Variants in ATXN7L2 observed in about 807,000 individuals in gnomAD.
ATXN7L2 encodes ataxin-7-like protein 2.
In ATXN7L2, 17 loss-of-function variants were observed where a neutral mutation model predicts 59.6. The ratio of observed to expected loss-of-function variants is 0.29; its 90% CI spans 0.20 to 0.43. ATXN7L2 has a LOEUF of 0.43. Among genes scored for constraint, ATXN7L2 ranks in the 20% least tolerant of loss-of-function variants. ATXN7L2 has a pLI of 1.00. For synonymous variants in ATXN7L2, 378 were observed against 392.5 expected, an observed-to-expected ratio of 0.96 and a Z score of 0.44; for missense variants, 858 against 1,008.9, an observed-to-expected ratio of 0.85 and a Z score of 2.03.
chr1:109,488,869 G>A lies in ATXN7L2; in HGVS notation c.902G>A (p.Arg301Gln). The A allele has an allele frequency of 1.2e-6, 2 of 1,613,972 alleles. No homozygotes were observed. The highest frequency in any genetic ancestry group is 1.7e-6 in the Non-Finnish European group (2 of 1,179,996). ...TAGATCCACTCAGTACACCAGCGCC[G>A]GGAAGTCCAGGGCCGGGCCAAGGAC... ...TCKIHSVHQR[R>Q]EVQGRAKDFD... Residue 301 changes from arginine (R) to glutamine (Q), a missense_variant, in exon 7 of 11, where the codon CGG (arginine) becomes CAG (glutamine). This residue lies in a region of ATXN7L2 where 734 missense variants were observed against 862.3 expected (regional missense o/e 0.85). Coordinates refer to ENST00000683729, the MANE Select transcript of ATXN7L2 (RefSeq NM_001350175.2). This position sits in a 1 kb window ranked among gnomAD's most constrained non-coding sequence, Gnocchi z 5.0.
intron 1 of ATXN7L2, chr1:109,485,189 A>C: frequency 1.2e-6 from 1 of 818,238 alleles, no homozygotes; most frequent in Non-Finnish European, 1.5e-6. Flanking sequence ...AAATGGAGTC[A>C]GACGGGTTTG....
intron 5 of ATXN7L2, 45 bp downstream of exon 5, chr1:109,487,849 TC>T: frequency 6.5e-7 from 1 of 1,533,344 alleles, no homozygotes; most frequent in Non-Finnish European, 8.8e-7. Flanking sequence ...GAGTGGGGAC[TC>T]CTTTGGGCTG....
rs192545791 is a variant in ATXN7L2, at chr1:109,487,665, C to G, written c.657C>G (p.Pro219=). The G allele has an allele frequency of 5.2e-5, 84 of 1,612,174 alleles. No homozygotes were observed. In the East Asian group the frequency reaches 1.7e-3, roughly 32 times the overall value. The change falls in exon 5 of 11, where the codon CCC becomes CCG. Residue 219 remains proline (P), a synonymous_variant. Transcript: ENST00000683729. ...CCCCTGGAAAACCTCCCATGGCTCC[C>G]CCTTCTAAAGAACCTCCTGGCAGAG... ...KDSPGKPPMA[P]PSKEPPGREN...
intron 7 of ATXN7L2, 47 bp downstream of exon 7, chr1:109,489,147 C>G: frequency 6.3e-7 from 1 of 1,575,748 alleles, no homozygotes; most frequent in African/African-American, 1.4e-5. Context: ...TACTTGGCCC[C>G]TAAGCCATCA....
chr1:109,486,285 G>C lies in ATXN7L2; in HGVS notation c.193+163G>C. On this transcript the variant is annotated intron_variant, in intron 2 of 10. Transcript: ENST00000683729. The surrounding 1 kb of genome is among the most constrained non-coding windows in gnomAD (Gnocchi z 4.3). ...GTTGTTCTGGCTCCTGTGACCTGTC[G>C]TTGGAGATCATAATCATAGGTGATT... 8.5e-7 allele frequency: 1 copy of C among 1,171,072 alleles called. No homozygotes were observed. The highest frequency in any genetic ancestry group is 1.7e-5 in the South Asian group (1 of 58,558). 72.5% of individuals were successfully genotyped at this position (1,171,072 alleles called of 1,614,324 possible).
chr1:109,485,698 C>T, intron 1 of ATXN7L2: 3 of 1,009,090 alleles, frequency 3.0e-6, no homozygotes, highest in Non-Finnish European at 3.5e-6. Context: ...AGAGATGATA[C>T]TTACCCACAA....
At position 109,491,404 on chromosome 1, in the gene ATXN7L2, A is replaced by G; in HGVS notation, c.1937A>G (p.Asn646Ser). ...AAAACAGCCCTGAGCATGGGGCTTA[A>G]TGGGACAATGGGGCCAAGAGTGAAG... ...KTKTALSMGL[N>S]GTMGPRVKRA... Residue 646 changes from asparagine (N) to serine (S), a missense_variant, in exon 10 of 11, where the codon AAT (asparagine) becomes AGT (serine). Asn to Ser is a conservative substitution (Grantham distance 46, BLOSUM62 1). Around this residue, in one of 3 missense-constraint regions of ATXN7L2, gnomAD observed 734 missense variants for 862.3 expected, o/e 0.85. Transcript: ENST00000683729. The surrounding 1 kb of genome is among the most constrained non-coding windows in gnomAD (Gnocchi z 4.1). The G allele has an allele frequency of 1.2e-6, 2 of 1,614,204 alleles. No homozygotes were observed. Among genetic ancestry groups the G allele is most frequent in the South Asian group, 1.1e-5 (1 of 91,088 alleles).
chr1:109,487,718 G>C lies in ATXN7L2; in HGVS notation c.710G>C (p.Gly237Ala). Residue 237 changes from glycine (G) to alanine (A), a missense_variant, in exon 5 of 11, where the codon GGG becomes GCG. Physicochemically the swap from Gly to Ala is moderately conservative, Grantham distance 60. Coordinates refer to ENST00000683729, the MANE Select transcript of ATXN7L2 (RefSeq NM_001350175.2). ...AACATCGAGATCATCCCCAGTGAGG[G>C]GTCCAGTCACTGGGCTGAAGGCAGC... ...RENIEIIPSE[G>A]SSHWAEGSPP... 6.2e-7 allele frequency: 1 copy of C among 1,613,490 alleles called. No homozygotes were observed.
At position 109,491,825 on chromosome 1, in the gene ATXN7L2, A is replaced by G; in HGVS notation, c.2250+108A>G. ...TGTGCAGGGAAAGGGAGGAAGGGGA[A>G]GTTGAGAGAGTTCCTGGACTGTTTT... On this transcript the variant is annotated intron_variant, in intron 10 of 10. Coordinates refer to ENST00000683729, the MANE Select transcript of ATXN7L2 (RefSeq NM_001350175.2). The surrounding 1 kb of genome is among the most constrained non-coding windows in gnomAD (Gnocchi z 4.1). 1.5e-6 allele frequency: 2 copies of G among 1,331,490 alleles called. No homozygotes were observed. Among genetic ancestry groups the G allele is most frequent in the Non-Finnish European group, 2.0e-6 (2 of 998,748 alleles). 82.5% of individuals were successfully genotyped at this position (1,331,490 alleles called of 1,614,324 possible).
Position 109,487,886 on chromosome 1 carries a change from G to A in ATXN7L2, c.796+82G>A, listed in dbSNP as rs1044576504. The stretch of plus-strand genomic sequence containing the variant: ...CTTTGTCCTTGGGCTGGATGAGGAG[G>A]AGGTCAGGTTTATGGGCCTGGCCAT... On this transcript the variant is annotated intron_variant, in intron 5 of 10. Transcript: ENST00000683729. The A allele has an allele frequency of 4.1e-6, 6 of 1,469,560 alleles. No individual in the cohort carries two copies. In the African/African-American group the frequency reaches 8.6e-5, roughly 21 times the overall value. The allele number at this position is 1,469,560 out of a possible 1,614,324, so 91.0% of individuals were successfully genotyped here.
chr1:109,488,495 A>T lies in ATXN7L2; in HGVS notation c.879+30A>T. On this transcript the variant is annotated intron_variant, in intron 6 of 10. Transcript: ENST00000683729. This position sits in a 1 kb window ranked among gnomAD's most constrained non-coding sequence, Gnocchi z 5.0. The stretch of plus-strand genomic sequence containing the variant: ...CCCCCTTCCCACTGCACGGTGAGGG[A>T]GGACAGCACAGGGCTTGCCCACTCC... 1 of 1,573,990 alleles carries T rather than the reference A, an allele frequency of 6.4e-7. No homozygotes were observed. Among genetic ancestry groups the T allele is most frequent in the East Asian group, 2.2e-5 (1 of 44,546 alleles).
chr1:109,486,741 G>C lies in ATXN7L2; in HGVS notation c.298+131G>C. On this transcript the variant is annotated intron_variant, in intron 3 of 10. Transcript: ENST00000683729. The surrounding 1 kb of genome is among the most constrained non-coding windows in gnomAD (Gnocchi z 4.3). ...TTGAGGATAGGAAGGTTGTGGGGGT[G>C]GCTTCAGAGCATTGTGGGGAGTCGG... The C allele has an allele frequency of 1.2e-6, 1 of 824,498 alleles. No individual in the cohort carries two copies. The highest frequency in any genetic ancestry group is 1.9e-6 in the Non-Finnish European group (1 of 526,228). The allele number at this position is 824,498 out of a possible 1,614,324, so 51.1% of individuals were successfully genotyped here.
At position 109,490,944 on chromosome 1, in the gene ATXN7L2, C is replaced by A; in HGVS notation, c.1477C>A (p.Pro493Thr). Residue 493 changes from proline to threonine, a missense_variant, in exon 10 of 11, where the codon CCT becomes ACT. Around this residue, in one of 3 missense-constraint regions of ATXN7L2, gnomAD observed 734 missense variants for 862.3 expected, o/e 0.85. Transcript: ENST00000683729. ...CAGGAAGATCCCACCGGCAGCTGAA[C>A]CTCCAGCTCACCTTGTCAACTCCCC... ...MWKKIPPAAE[P>T]PAHLVNSPLS... is the part of the protein sequence containing the mutation. 1 of 1,561,408 alleles carries A rather than the reference C, an allele frequency of 6.4e-7. No homozygotes were observed. The highest frequency in any genetic ancestry group is 8.7e-7 in the Non-Finnish European group (1 of 1,153,006).
Position 109,486,993 on chromosome 1 carries a change from C to A in ATXN7L2, c.299-14C>A. The A allele has an allele frequency of 6.4e-7, 1 of 1,567,614 alleles. No individual in the cohort carries two copies. The highest frequency in any genetic ancestry group is 8.6e-7 in the Non-Finnish European group (1 of 1,157,414). ...CCACTCACCTTGATTATTCTTTCCA[C>A]CTCCTGGTGACAGAAAGAAGACATG... On this transcript the variant is annotated splice_polypyrimidine_tract_variant and intron_variant, in intron 3 of 10. Transcript: ENST00000683729. This position sits in a 1 kb window ranked among gnomAD's most constrained non-coding sequence, Gnocchi z 4.3.
rs1367282831 is a variant in ATXN7L2 at position 109,491,101 on chromosome 1, C to A, written c.1634C>A (p.Ser545Tyr). The change falls in exon 10 of 11, where the codon TCC becomes TAC. Residue 545 changes from serine to tyrosine, a missense_variant. Around this residue, in one of 3 missense-constraint regions of ATXN7L2, gnomAD observed 734 missense variants for 862.3 expected, o/e 0.85. Coordinates refer to ENST00000683729, the MANE Select transcript of ATXN7L2 (RefSeq NM_001350175.2). This position sits in a 1 kb window ranked among gnomAD's most constrained non-coding sequence, Gnocchi z 4.1. ...CTTGTCCCCAGCTACCCTGCAGGCT[C>A]CCCCAGCGTGGCGGCTGCCTGTAGC... ...DNLVPSYPAG[S>Y]PSVAAACSQA... The A allele has an allele frequency of 2.5e-6, 4 of 1,613,708 alleles. No homozygotes were observed. In the South Asian group the frequency reaches 4.4e-5, roughly 18 times the overall value.
Position 109,491,136 on chromosome 1 carries a change from T to C in ATXN7L2, c.1669T>C (p.Cys557Arg), listed in dbSNP as rs1043682697. 6 of 1,613,400 alleles carry C rather than the reference T, an allele frequency of 3.7e-6. No homozygotes were observed. The highest frequency in any genetic ancestry group is 5.1e-6 in the Non-Finnish European group (6 of 1,179,902). Reference protein sequence around the residue: ...SVAAACSQAECMGGSQAITSP... With the variant: ...SVAAACSQAERMGGSQAITSP... The stretch of plus-strand genomic sequence containing the variant: ...GGCGGCTGCCTGTAGCCAGGCAGAG[T>C]GCATGGGCGGGAGCCAGGCTATCAC... The change falls in exon 10 of 11, where the codon TGC becomes CGC. Residue 557 changes from cysteine (C) to arginine (R), a missense_variant. Physicochemically the swap from Cys to Arg is radical, Grantham distance 180. Around this residue, in one of 3 missense-constraint regions of ATXN7L2, gnomAD observed 734 missense variants for 862.3 expected, o/e 0.85. Transcript: ENST00000683729. This position sits in a 1 kb window ranked among gnomAD's most constrained non-coding sequence, Gnocchi z 4.1.
chr1:109,487,812 G>A lies in ATXN7L2; in HGVS notation c.796+8G>A, dbSNP rs1416257374. On this transcript the variant is annotated splice_region_variant and intron_variant, in intron 5 of 10. Coordinates refer to ENST00000683729, the MANE Select transcript of ATXN7L2 (RefSeq NM_001350175.2). ...CCCACCGGAAGATGGCTCGTGAGTA[G>A]TTGTGGTCTTGGGGGTCCAGAATGT... 3 of 1,587,384 alleles carry A rather than the reference G, an allele frequency of 1.9e-6. No homozygotes were observed. Among genetic ancestry groups the A allele is most frequent in the Non-Finnish European group, 2.6e-6 (3 of 1,167,744 alleles).
Position 109,488,565 on chromosome 1 carries a change from C to A in ATXN7L2, c.879+100C>A. 1 of 1,365,274 alleles carries A rather than the reference C, an allele frequency of 7.3e-7. No individual in the cohort carries two copies. Among genetic ancestry groups the A allele is most frequent in the Non-Finnish European group, 1.0e-6 (1 of 986,574 alleles). 84.6% of individuals were successfully genotyped at this position (1,365,274 alleles called of 1,614,324 possible). A position where few individuals can be genotyped will look rare whatever the true frequency, so the allele number is the denominator to read the frequency against. ...AATGTCGATGTTACTGAAGGTCCAG[C>A]TTAAGGGAGGGCAGTTAGGCCCACC... On this transcript the variant is annotated intron_variant, in intron 6 of 10. Transcript: ENST00000683729. The surrounding 1 kb of genome is among the most constrained non-coding windows in gnomAD (Gnocchi z 5.0).
In ATXN7L2 at chr1:109,491,049, G is replaced by A. The variant is rs754601774; in HGVS notation, c.1582G>A (p.Ala528Thr). 1.2e-5 allele frequency: 20 copies of A among 1,613,600 alleles called. No individual in the cohort carries two copies. Among genetic ancestry groups the A allele is most frequent in the Admixed American group, 1.7e-5 (1 of 59,992 alleles). ...TCCAACCCTGAGACCTGCCTGCCCA[G>A]CCTCCATGCCCCCCACCAAGGACAA... ...PGPTLRPACP[A>T]SMPPTKDNLV... Residue 528 changes from alanine (A) to threonine (T), a missense_variant, in exon 10 of 11, where the codon GCC becomes ACC. Ala to Thr is a moderately conservative substitution (Grantham distance 58, BLOSUM62 0). Around this residue, in one of 3 missense-constraint regions of ATXN7L2, gnomAD observed 734 missense variants for 862.3 expected, o/e 0.85. Coordinates refer to ENST00000683729, the MANE Select transcript of ATXN7L2 (RefSeq NM_001350175.2). The surrounding 1 kb of genome is among the most constrained non-coding windows in gnomAD (Gnocchi z 4.1).
Sources: allele counts gnomAD v4.1 joint callset, GRCh38; gene constraint gnomAD v4.1.1; regional missense constraint gnomAD v4.1.1; non-coding constraint Gnocchi (gnomAD v3.1); transcripts MANE v1.5; gene names NCBI Gene and HGNC (gene_info 2026-07-23, HGNC 2026-07-21).